Variants in ARNT2 observed in about 807,000 individuals in gnomAD.
ARNT2 encodes aryl hydrocarbon receptor nuclear translocator 2.
ARNT2 carries 36 observed loss-of-function variants against 91.7 expected under a neutral mutation model. That is an observed-to-expected ratio of 0.39 (90% CI 0.30 to 0.52). The LOEUF is 0.52. ARNT2 is among the 20% of genes least tolerant of loss of function. The probability of loss-of-function intolerance (pLI) is 0.72; values close to 1 mark genes in which losing one functional copy is unlikely to be tolerated. For missense variants in ARNT2, 775 were observed against 939.3 expected, an observed-to-expected ratio of 0.83 and a Z score of 2.29; for synonymous variants, 365 against 347.1, an observed-to-expected ratio of 1.05 and a Z score of -0.57.
In ARNT2 at chr15:80,457,877, G is replaced by A; in HGVS notation, c.147-52G>A. The A allele has an allele frequency of 3.1e-6, 5 of 1,598,434 alleles. No homozygotes were observed. In the South Asian group the frequency reaches 4.5e-5, roughly 14 times the overall value. ...TTTGTTCCAGCAGCTCCTGTTACCA[G>A]TTAAAATGTTCTCCTAATAATCAGT... On this transcript the variant is annotated intron_variant, in intron 2 of 18. Coordinates refer to ENST00000303329, the MANE Select transcript of ARNT2 (RefSeq NM_014862.4).
chr15:80,574,056 C>G, intron 12 of ARNT2, 92 bp from the exon 13 acceptor site: 1 of 1,000,444 alleles, frequency 1.0e-6, no homozygotes, highest in Non-Finnish European at 1.6e-6. Flanking sequence ...ATATCACCCA[C>G]TCTGCCTCTG....
chr15:80,539,929 G>A (rs922637870), intron 8 of ARNT2, among the ~76,000 whole-genome samples: 3 of 151,826 alleles, frequency 2.0e-5, no homozygotes, highest in East Asian at 1.9e-4. Context: ...ACTGTTATAC[G>A]CTGTTCTTGG....
chr15:80,581,659 T>G (rs1042746976), intron 17 of ARNT2, among the ~76,000 whole-genome samples: 1 of 152,336 alleles, frequency 6.6e-6, no homozygotes, highest in Non-Finnish European at 1.5e-5. Context: ...TGTGAGGTGA[T>G]CTGAATACCA....
rs570167099 is a variant in ARNT2 at position 80,564,074 on chromosome 15, C to T, written c.1316+835C>T. Among the ~76,000 whole-genome samples, 22 of 152,328 alleles carry T rather than the reference C, an allele frequency of 1.4e-4. No individual in the cohort carries two copies. In the South Asian group the frequency reaches 2.1e-3, roughly 14 times the overall value. On this transcript the variant is annotated intron_variant, in intron 12 of 18. Coordinates refer to ENST00000303329, the MANE Select transcript of ARNT2 (RefSeq NM_014862.4). Reference sequence around the variant, plus strand: ...CAAGCAAACGCAAGCATGTGGAAGCCATGGCCAGTGTGTCGGGAGGACTGT... The same window carrying T: ...CAAGCAAACGCAAGCATGTGGAAGCTATGGCCAGTGTGTCGGGAGGACTGT...
intron 3 of ARNT2, among the ~76,000 whole-genome samples, chr15:80,459,433 C>T (rs1239525112): frequency 6.6e-6 from 1 of 152,188 alleles, no homozygotes; most frequent in Admixed American, 6.5e-5. Flanking sequence ...AGTTTGCTCT[C>T]GCTGTACACA....
intron 4 of ARNT2, among the ~76,000 whole-genome samples, chr15:80,472,730 G>A (rs758029972): frequency 2.0e-5 from 3 of 152,198 alleles, no homozygotes; most frequent in Admixed American, 1.3e-4. Context: ...CTCCCAGCTC[G>A]TGTGGTTGTG....
At chr15:80,445,687 T>C (rs1291204624) in intron 1 of ARNT2, among the ~76,000 whole-genome samples, 1 of 151,830 alleles carries the variant, frequency 6.6e-6, no homozygotes, top group Non-Finnish European at 1.5e-5. Context: ...GGGTCTGCAC[T>C]CCCTCCTGAG....
chr15:80,565,631 C>T (rs1013415249), intron 12 of ARNT2, among the ~76,000 whole-genome samples: 4 of 150,814 alleles, frequency 2.7e-5, no homozygotes, highest in South Asian at 2.1e-4. Flanking sequence ...TGGTGGTTAG[C>T]GATGATGAGC....
chr15:80,510,268 G>A (rs1018803210), intron 6 of ARNT2, among the ~76,000 whole-genome samples: 3 of 152,232 alleles, frequency 2.0e-5, no homozygotes, highest in Admixed American at 2.0e-4. Flanking sequence ...AGGTTGTTGG[G>A]GGGAGCTGGT....
Position 80,579,341 on chromosome 15 carries a change from TC to T in ARNT2, c.1614-1066del, listed in dbSNP as rs1898748654. On this transcript the variant is annotated intron_variant, in intron 15 of 18. Transcript: ENST00000303329. The stretch of plus-strand genomic sequence containing the variant: ...TGATTGTATGAAGACAGAAATGATG[TC>T]CCCTTTATATAAGCCACTGAACTTG... Among the ~76,000 whole-genome samples, 8 of 152,296 alleles carry T rather than the reference TC, an allele frequency of 5.3e-5. No homozygotes were observed. The South Asian group carries it at 1.7e-3, about 32-fold the overall frequency.
intron 2 of ARNT2, among the ~76,000 whole-genome samples, chr15:80,451,741 TCAAC>T (rs1221264786): frequency 1.3e-5 from 2 of 148,296 alleles, no homozygotes; most frequent in African/African-American, 5.0e-5. Context: ...AACCAACCAA[TCAAC>T]CAACCAACCA....
chr15:80,448,367 G>C (rs1896336120), intron 1 of ARNT2, among the ~76,000 whole-genome samples: 1 of 152,196 alleles, frequency 6.6e-6, no homozygotes. Context: ...AATCAGACAA[G>C]AAAAAGAAAG....
Position 80,474,999 on chromosome 15 carries a change from T to C in ARNT2, c.409-11T>C. The C allele has an allele frequency of 6.2e-7, 1 of 1,613,804 alleles. No individual in the cohort carries two copies. The highest frequency in any genetic ancestry group is 8.5e-7 in the Non-Finnish European group (1 of 1,179,964). On this transcript the variant is annotated splice_polypyrimidine_tract_variant and intron_variant, in intron 4 of 18. Transcript: ENST00000303329. ...CAGTGTATTGTGCCAATCATAATCT[T>C]TTCTTTATAGGAACTGAAGCATCTC...
At chr15:80,533,189 A>C (rs1382271112) in intron 8 of ARNT2, among the ~76,000 whole-genome samples, 1 of 152,194 alleles carries the variant, frequency 6.6e-6, no homozygotes, top group Non-Finnish European at 1.5e-5. Flanking sequence ...AAGGGCGAGG[A>C]TGGAATACAG....
chr15:80,536,439 C>A (rs1211712867), intron 8 of ARNT2, among the ~76,000 whole-genome samples: 1 of 152,148 alleles, frequency 6.6e-6, no homozygotes, highest in Non-Finnish European at 1.5e-5. Flanking sequence ...CCTTACTGTG[C>A]ACCTGGTTGA....
chr15:80,569,709 T>A (rs1898552040), intron 12 of ARNT2, among the ~76,000 whole-genome samples: 1 of 152,238 alleles, frequency 6.6e-6, no homozygotes, highest in Non-Finnish European at 1.5e-5. Flanking sequence ...GGAACAGAAC[T>A]GAAAGCAAAC....
intron 5 of ARNT2, among the ~76,000 whole-genome samples, chr15:80,486,454 C>T (rs1256052598): frequency 6.6e-6 from 1 of 152,118 alleles, no homozygotes; most frequent in Non-Finnish European, 1.5e-5. Context: ...AGTCCTTTAC[C>T]CAAATAGTGT....
chr15:80,519,961 G>A (rs1897509712), intron 8 of ARNT2, among the ~76,000 whole-genome samples: 1 of 148,282 alleles, frequency 6.7e-6, no homozygotes, highest in African/African-American at 2.5e-5. Flanking sequence ...GCCTCCCAAA[G>A]TGCTGGGATT....
intron 1 of ARNT2, among the ~76,000 whole-genome samples, chr15:80,436,603 G>A (rs1188000897): frequency 6.6e-6 from 1 of 152,178 alleles, no homozygotes. Context: ...CCTGGCGGGG[G>A]CTGTGTTTGC....
Sources: gnomAD v4.1 joint callset for allele counts (sites outside exome capture counted in the v4.1 genomes callset) on GRCh38, gnomAD v4.1.1 for gene constraint, MANE v1.5 for transcripts, NCBI Gene and HGNC (gene_info 2026-07-23, HGNC 2026-07-21) for gene names.